LRRC8A: variants seen among roughly 807,000 people sequenced by gnomAD.
LRRC8A encodes leucine rich repeat containing 8 VRAC subunit A.
LRRC8A carries 24 observed loss-of-function variants against 52.5 expected under a neutral mutation model. The ratio of observed to expected loss-of-function variants is 0.46; its 90% CI spans 0.33 to 0.64. The LOEUF is 0.64. Among genes scored for constraint, LRRC8A ranks in the 30% least tolerant of loss-of-function variants. LRRC8A has a pLI of 0.02. For missense variants in LRRC8A, 677 were observed against 1,094.7 expected (o/e 0.62, Z 5.38); for synonymous variants, 492 against 494.2 (o/e 1.00, Z 0.06).
At chr9:128,909,872 C>T (rs1434816859) in intron 3 of LRRC8A, among the ~76,000 whole-genome samples, 1 of 152,232 alleles carries the variant, frequency 6.6e-6, no homozygotes, top group African/African-American at 2.4e-5. Context: ...ACACCTTTCT[C>T]CACTGCATTT....
intron 3 of LRRC8A, among the ~76,000 whole-genome samples, chr9:128,914,339 C>T (rs1271419221): frequency 2.0e-5 from 3 of 152,046 alleles, no homozygotes; most frequent in East Asian, 1.9e-4. Context: ...AGCAGGTGCC[C>T]GTGAGGTTGA....
In LRRC8A at chr9:128,907,143, T is replaced by C. The variant is rs1355040492; in HGVS notation, c.-8-14T>C. 1.3e-6 allele frequency: 2 copies of C among 1,589,958 alleles called. No individual in the cohort carries two copies. The highest frequency in any genetic ancestry group is 2.2e-5 in the South Asian group (2 of 89,336). On this transcript the variant is annotated splice_polypyrimidine_tract_variant and intron_variant, in intron 2 of 3. Coordinates refer to ENST00000372600, the MANE Select transcript of LRRC8A (RefSeq NM_019594.4). This position sits in a 1 kb window ranked among gnomAD's most constrained non-coding sequence, Gnocchi z 9.3. ...CCACCCTGTGCTAACCCCCCTCCTA[T>C]GGCTCCCTTTTAGGTTGAACCATGA...
At chr9:128,913,647 A>T (rs1425155352) in intron 3 of LRRC8A, among the ~76,000 whole-genome samples, 1 of 152,142 alleles carries the variant, frequency 6.6e-6, no homozygotes, top group Non-Finnish European at 1.5e-5. Context: ...GCCAGGCTCC[A>T]TATGGACCCG....
intron 1 of LRRC8A, among the ~76,000 whole-genome samples, chr9:128,883,982 CAA>C (rs773165111): frequency 7.0e-6 from 1 of 143,090 alleles, no homozygotes; most frequent in Non-Finnish European, 1.5e-5. Flanking sequence ...CTCAAAAAAA[CAA>C]AAAAAAAAAC....
intron 2 of LRRC8A, among the ~76,000 whole-genome samples, chr9:128,898,466 AT>A (rs1183186549): frequency 6.6e-6 from 1 of 151,990 alleles, no homozygotes; most frequent in African/African-American, 2.4e-5. Context: ...TCCTTCTTCC[AT>A]TTCCCAACTT....
chr9:128,914,503 A>G (rs1840718968), intron 3 of LRRC8A, among the ~76,000 whole-genome samples: 1 of 152,186 alleles, frequency 6.6e-6, no homozygotes, highest in Non-Finnish European at 1.5e-5. Flanking sequence ...GCAGAAGGGA[A>G]ATACAGCATG....
rs1176846460 is a variant in LRRC8A at position 128,902,103 on chromosome 9, G to A, written c.-8-5054G>A. On this transcript the variant is annotated intron_variant, in intron 2 of 3. Transcript: ENST00000372600. This position sits in a 1 kb window ranked among gnomAD's most constrained non-coding sequence, Gnocchi z 4.1. ...CAGGCCCTTCTCAGCTCTGCAGCCA[G>A]CCCCAGGCTCTGCCATTGGAACCCC... Among the ~76,000 whole-genome samples the A allele has an allele frequency of 1.3e-5, 2 of 152,196 alleles. No homozygotes were observed. The highest frequency in any genetic ancestry group is 2.9e-5 in the Non-Finnish European group (2 of 68,028).
At chr9:128,893,939 C>T (rs1255744417) in intron 2 of LRRC8A, among the ~76,000 whole-genome samples, 1 of 151,898 alleles carries the variant, frequency 6.6e-6, no homozygotes, top group Non-Finnish European at 1.5e-5. Context: ...AGTACAGCAG[C>T]ACAGATTCGG....
intron 2 of LRRC8A, among the ~76,000 whole-genome samples, chr9:128,887,230 C>T (rs1839432049): frequency 2.6e-5 from 4 of 152,046 alleles, no homozygotes; most frequent in Admixed American, 2.6e-4. Context: ...ACCATCATGA[C>T]TCACTGCAGC....
rs1158940574 is a variant in LRRC8A, at chr9:128,882,156, A to C, written c.-210A>C. 1.0e-4 allele frequency: 16 copies of C among 152,524 alleles called. No individual in the cohort carries two copies. Among genetic ancestry groups the C allele is most frequent in the Non-Finnish European group, 4.4e-5 (3 of 68,150 alleles). 9.4% of individuals were successfully genotyped at this position (152,524 alleles called of 1,614,324 possible). ...CTGAGTGGTGCAGTGAGGGACAAACAAAAGGAGGCGCCGGAGCAGCGCTGC... is the reference window on the plus strand; with the variant it reads ...CTGAGTGGTGCAGTGAGGGACAAACCAAAGGAGGCGCCGGAGCAGCGCTGC... On this transcript the variant is annotated 5_prime_UTR_variant, in exon 1 of 4. Coordinates refer to ENST00000372600, the MANE Select transcript of LRRC8A (RefSeq NM_019594.4).
chr9:128,905,982 C>G (rs1332266715), intron 2 of LRRC8A, among the ~76,000 whole-genome samples: 1 of 152,238 alleles, frequency 6.6e-6, no homozygotes, highest in Non-Finnish European at 1.5e-5. Context: ...TAAGGCCTCT[C>G]TGTGATCACC....
At chr9:128,885,751 T>C (rs1839369649) in intron 1 of LRRC8A, among the ~76,000 whole-genome samples, 1 of 151,980 alleles carries the variant, frequency 6.6e-6, no homozygotes, top group African/African-American at 2.4e-5. Context: ...CTACTAAAAA[T>C]ACAAAAAATT....
intron 3 of LRRC8A, among the ~76,000 whole-genome samples, chr9:128,914,715 C>T (rs1564532138): frequency 6.6e-6 from 1 of 152,254 alleles, no homozygotes; most frequent in Non-Finnish European, 1.5e-5. Context: ...GGGCTCCTGG[C>T]TCCTGCCCTC....
intron 2 of LRRC8A, among the ~76,000 whole-genome samples, chr9:128,886,624 C>T (rs781506348): frequency 2.0e-5 from 3 of 152,190 alleles, no homozygotes; most frequent in East Asian, 1.9e-4. Flanking sequence ...CTTATTTGAT[C>T]GTGTAGACAT....
Position 128,917,804 on chromosome 9 carries a change from A to G in LRRC8A, c.*1433A>G, listed in dbSNP as rs146787153. On this transcript the variant is annotated 3_prime_UTR_variant, in exon 4 of 4. Transcript: ENST00000372600. ...AGATCACTCGGGTCCCCACCTTAGA[A>G]GGGTCCCCGCCTTAGATCAATCACG... 1 of 152,666 alleles carries G rather than the reference A, an allele frequency of 6.6e-6. No homozygotes were observed. The highest frequency in any genetic ancestry group is 2.4e-5 in the African/African-American group (1 of 41,460). 9.5% of individuals were successfully genotyped at this position (152,666 alleles called of 1,614,324 possible).
rs1363195828 is a variant in LRRC8A, at chr9:128,917,093, G to T, written c.*722G>T. The T allele has an allele frequency of 1.3e-5, 2 of 149,330 alleles. No homozygotes were observed. Among genetic ancestry groups the T allele is most frequent in the East Asian group, 2.0e-4 (1 of 5,118 alleles). The allele number at this position is 149,330 out of a possible 1,614,324, so 9.3% of individuals were successfully genotyped here. A position where few individuals can be genotyped will look rare whatever the true frequency, so the allele number is the denominator to read the frequency against. ...AAAAAGCTTTGAAAATGGATGGTTT[G>T]GGTATTAAAAAGAAAAAAAAAACTT... On this transcript the variant is annotated 3_prime_UTR_variant, in exon 4 of 4. Transcript: ENST00000372600.
chr9:128,917,481 G>A lies in LRRC8A; in HGVS notation c.*1110G>A, dbSNP rs1047847031. 6.6e-6 allele frequency: 1 copy of A among 152,598 alleles called. No homozygotes were observed. The highest frequency in any genetic ancestry group is 1.9e-4 in the East Asian group (1 of 5,194). The allele number at this position is 152,598 out of a possible 1,614,324, so 9.5% of individuals were successfully genotyped here. ...TGCTCCATTCGCACCTCCCCTCCTC[G>A]TGCCTGCCCTGCCTCTCCACGCACA... On this transcript the variant is annotated 3_prime_UTR_variant, in exon 4 of 4. Coordinates refer to ENST00000372600, the MANE Select transcript of LRRC8A (RefSeq NM_019594.4).
chr9:128,894,133 G>A (rs1015222747), intron 2 of LRRC8A, among the ~76,000 whole-genome samples: 2 of 151,786 alleles, frequency 1.3e-5, no homozygotes, highest in African/African-American at 4.8e-5. Context: ...CACCCACCTC[G>A]GCCTCCCAAA....
chr9:128,913,886 A>T (rs79393463), intron 3 of LRRC8A, among the ~76,000 whole-genome samples: 33 of 152,190 alleles, frequency 2.2e-4, no homozygotes, highest in African/African-American at 7.0e-4. Flanking sequence ...TAGGATACAC[A>T]GGTTAGGAGC....
Sources: allele counts gnomAD v4.1 joint callset (sites outside exome capture counted in the v4.1 genomes callset), GRCh38; gene constraint gnomAD v4.1.1; non-coding constraint Gnocchi (gnomAD v3.1); transcripts MANE v1.5; gene names NCBI Gene and HGNC (gene_info 2026-07-23, HGNC 2026-07-21).